The following INVS variants were observed in gnomAD, a reference collection of about 807,000 sequenced individuals.
INVS encodes the protein inversin.
A neutral mutation model predicts 108.8 loss-of-function variants in INVS; 86 were observed. The observed-to-expected ratio is 0.79, with a 90% confidence interval of 0.66 to 0.95. The LOEUF (loss-of-function observed/expected upper bound fraction) is 0.95, where lower values mean the gene tolerates loss of function less well. Among genes scored for constraint, INVS ranks in the 40% least tolerant of loss-of-function variants. INVS has a pLI of 0.00. For synonymous variants in INVS, 455 were observed against 473.5 expected (o/e 0.96, Z 0.51); for missense variants, 1,169 against 1,297.4 (o/e 0.90, Z 1.52).
In INVS at chr9:100,240,125, T is replaced by G. The variant is rs1055008821; in HGVS notation, c.681T>G (p.Phe227Leu). The change falls in exon 6 of 17, where the codon TTT becomes TTG. Residue 227 changes from phenylalanine (F) to leucine (L), a missense_variant. Transcript: ENST00000262457. ...QDYEGRTPLH[F>L]AVADGNVTVV... ...ACGAGGGTCGAACTCCTCTTCACTT[T>G]GCAGTTGCTGATGGGAATGTGACCG... 6.2e-7 allele frequency: 1 copy of G among 1,614,014 alleles called. No homozygotes were observed. Among genetic ancestry groups the G allele is most frequent in the Non-Finnish European group, 8.5e-7 (1 of 1,179,964 alleles).
At chr9:100,161,364 CAAAAAAAAAAAAAA>C (rs35392930) in intron 3 of INVS, among the ~76,000 whole-genome samples, 2 of 12,370 alleles carry the variant, frequency 1.6e-4, no homozygotes, top group South Asian at 2.6e-3. Flanking sequence ...ACTTCCATCT[CAAAAAAAAAAAAAA>C]AAAAAAAAAA....
chr9:100,117,093 G>A lies in INVS; in HGVS notation c.107-9290G>A, dbSNP rs1160805174. ...CCGCAGCGGCCTGTCACCTTGCAAG[G>A]GACGGTGTGGGGCTTGCCGATCTTG... is the stretch of plus-strand genomic sequence containing the variant. On this transcript the variant is annotated intron_variant, in intron 2 of 16. Coordinates refer to ENST00000262457, the MANE Select transcript of INVS (RefSeq NM_014425.5). The A allele has an allele frequency of 1.0e-5, 12 of 1,187,166 alleles. No individual in the cohort carries two copies. In the Admixed American group the frequency reaches 2.6e-4, roughly 25 times the overall value. 73.5% of individuals were successfully genotyped at this position (1,187,166 alleles called of 1,614,324 possible). A position where few individuals can be genotyped will look rare whatever the true frequency, so the allele number is the denominator to read the frequency against.
At chr9:100,265,560 G>A (rs1832764423) in intron 11 of INVS, among the ~76,000 whole-genome samples, 1 of 152,166 alleles carries the variant, frequency 6.6e-6, no homozygotes, top group African/African-American at 2.4e-5. Context: ...CTGGGCCCAG[G>A]AGTACATTTA....
chr9:100,102,427 T>A (rs1307913400), intron 1 of INVS: 1 of 152,212 alleles, frequency 6.6e-6, no homozygotes, highest in Non-Finnish European at 1.5e-5. Context: ...GATACGATGT[T>A]CCAAGTAAGA....
At chr9:100,182,310 T>A (rs1466359921) in intron 3 of INVS, among the ~76,000 whole-genome samples, 1 of 152,074 alleles carries the variant, frequency 6.6e-6, no homozygotes, top group Non-Finnish European at 1.5e-5. Flanking sequence ...AAAGACACTA[T>A]CAGCAGAGTG....
At chr9:100,133,347 T>C (rs1360246104) in intron 3 of INVS, among the ~76,000 whole-genome samples, 1 of 152,080 alleles carries the variant, frequency 6.6e-6, no homozygotes, top group Admixed American at 6.6e-5. Flanking sequence ...TATGTGTGTG[T>C]GTGTGTGTGT....
At chr9:100,180,233 G>A (rs184987012) in intron 3 of INVS, among the ~76,000 whole-genome samples, 2 of 152,114 alleles carry the variant, frequency 1.3e-5, no homozygotes, top group East Asian at 1.9e-4. Context: ...AAAAGAACTA[G>A]AGAAGCAAGA....
intron 12 of INVS, among the ~76,000 whole-genome samples, chr9:100,280,454 T>C (rs984330884): frequency 2.6e-5 from 4 of 152,050 alleles, no homozygotes; most frequent in Admixed American, 6.6e-5. Flanking sequence ...GGAAGCCCAT[T>C]AGAAGCTGTC....
chr9:100,104,666 CTGTT>C, intron 2 of INVS, 39 bp downstream of exon 2: 1 of 1,352,002 alleles, frequency 7.4e-7, no homozygotes, highest in Non-Finnish European at 1.1e-6. Flanking sequence ...TTAAAAGCAA[CTGTT>C]TGTCCTGAGG....
rs539084158 is a variant in INVS at position 100,135,908 on chromosome 9, TA to T, written c.273+9362del. Among the ~76,000 whole-genome samples the T allele has an allele frequency of 4.5e-4, 68 of 151,864 alleles. No individual in the cohort carries two copies. The East Asian group carries it at 0.013, about 29-fold the overall frequency. On this transcript the variant is annotated intron_variant, in intron 3 of 16. Transcript: ENST00000262457. ...ATATTTAAGGTTTATTTACAGAAAA[TA>T]AACTTACAAAGGAGACAGTACAAGA...
intron 3 of INVS, among the ~76,000 whole-genome samples, chr9:100,192,869 A>C (rs1830262272): frequency 6.6e-6 from 1 of 152,080 alleles, no homozygotes; most frequent in African/African-American, 2.4e-5. Flanking sequence ...TTGTGTGCTC[A>C]AGTCCTTTAC....
At chr9:100,199,990 A>AT (rs1312897601) in intron 3 of INVS, among the ~76,000 whole-genome samples, 2 of 152,074 alleles carry the variant, frequency 1.3e-5, no homozygotes, top group African/African-American at 4.8e-5. Context: ...TTTTTGAAAC[A>AT]TTTTTTCCTT....
intron 3 of INVS, among the ~76,000 whole-genome samples, chr9:100,193,879 C>T (rs1734250904): frequency 6.6e-6 from 1 of 152,166 alleles, no homozygotes; most frequent in Non-Finnish European, 1.5e-5. Context: ...TCCTAAAGTG[C>T]TGGGATTGCA....
chr9:100,202,010 C>A (rs911603799), intron 3 of INVS, among the ~76,000 whole-genome samples: 1 of 151,696 alleles, frequency 6.6e-6, no homozygotes, highest in Non-Finnish European at 1.5e-5. Flanking sequence ...GAGGCGGGTA[C>A]AGTCATTAGG....
At chr9:100,187,047 T>C (rs761350636) in intron 3 of INVS, among the ~76,000 whole-genome samples, 39 of 152,088 alleles carry the variant, frequency 2.6e-4, no homozygotes, top group Non-Finnish European at 5.4e-4. Context: ...TGGTGAGAGA[T>C]AGGGATCCAG....
chr9:100,120,511 G>C (rs771407089), intron 2 of INVS: 1 of 168,988 alleles, frequency 5.9e-6, no homozygotes, highest in Non-Finnish European at 1.3e-5. Context: ...CATTTGAATG[G>C]TTCAATTCTT....
intron 8 of INVS, among the ~76,000 whole-genome samples, chr9:100,250,027 C>T (rs1289601754): frequency 6.6e-6 from 1 of 151,886 alleles, no homozygotes; most frequent in Non-Finnish European, 1.5e-5. Context: ...ATCGTTTGAA[C>T]CTGGGAGGTG....
intron 11 of INVS, among the ~76,000 whole-genome samples, chr9:100,271,376 A>G (rs1832949288): frequency 1.3e-5 from 2 of 152,188 alleles, no homozygotes; most frequent in African/African-American, 4.8e-5. Flanking sequence ...TGGCCTGTGC[A>G]TTGTTTAAGC....
chr9:100,195,572 C>T (rs1830349216), intron 3 of INVS, among the ~76,000 whole-genome samples: 1 of 152,082 alleles, frequency 6.6e-6, no homozygotes, highest in South Asian at 2.1e-4. Context: ...ACTGCAGCCT[C>T]CACCTTCCAG....
Sources: gnomAD v4.1 joint callset for allele counts (sites outside exome capture counted in the v4.1 genomes callset) on GRCh38, gnomAD v4.1.1 for gene constraint, MANE v1.5 for transcripts, NCBI Gene and HGNC (gene_info 2026-07-23, HGNC 2026-07-21) for gene names.